The following KIAA1217 variants were observed in gnomAD, a reference collection of about 807,000 sequenced individuals.
KIAA1217 encodes sickle tail protein homolog.
A neutral mutation model predicts 163.9 loss-of-function variants in KIAA1217; 88 were observed. The ratio of observed to expected loss-of-function variants is 0.54; its 90% CI spans 0.45 to 0.64. The LOEUF (loss-of-function observed/expected upper bound fraction) is 0.64. KIAA1217 is among the 30% of genes least tolerant of loss of function. The pLI is 0.00. For synonymous variants in KIAA1217, 903 were observed against 923.1 expected (o/e 0.98, Z 0.39); for missense variants, 2,372 against 2,475.0 (o/e 0.96, Z 0.88).
intron 2 of KIAA1217, among the ~76,000 whole-genome samples, chr10:24,036,771 G>A (rs1408115844): frequency 6.6e-6 from 1 of 152,112 alleles, no homozygotes; most frequent in Non-Finnish European, 1.5e-5. Context: ...TTACCACGAG[G>A]ACCGCAACAA....
intron 3 of KIAA1217, among the ~76,000 whole-genome samples, chr10:24,404,566 C>CAAAAAAAAAAAAAAAAAAAAA (rs57209065): frequency 2.0e-5 from 1 of 51,182 alleles, no homozygotes; most frequent in Non-Finnish European, 3.7e-5. Flanking sequence ...GACTCTGTCT[C>CAAAAAAAAAAAAAAAAAAAAA]AAAAAAAAAA....
intron 1 of KIAA1217, among the ~76,000 whole-genome samples, chr10:23,703,720 T>TCTC (rs1188404574): frequency 6.6e-6 from 1 of 151,818 alleles, no homozygotes; most frequent in East Asian, 1.9e-4. Context: ...TCTTATTCTT[T>TCTC]CTCCTCCTCC....
Position 24,513,399 on chromosome 10 carries a change from T to A in KIAA1217, c.2142T>A (p.Tyr714Ter). 6.2e-7 allele frequency: 1 copy of A among 1,614,162 alleles called. No homozygotes were observed. Among genetic ancestry groups the A allele is most frequent in the Admixed American group, 1.7e-5 (1 of 60,026 alleles). Residue 714 changes from tyrosine (Y) to a stop codon, truncating the protein, a stop_gained, in exon 10 of 21, where the codon TAT becomes TAA. Coordinates refer to ENST00000376454, the MANE Select transcript of KIAA1217 (RefSeq NM_019590.5). LOFTEE classifies it high-confidence loss of function. ...TAGTGGAGCAAGAGAGACAAAAATATCTTCATGAGGAAGAGAAGATCGTCA... is the reference window on the plus strand; with the variant it reads ...TAGTGGAGCAAGAGAGACAAAAATAACTTCATGAGGAAGAGAAGATCGTCA... ...RVLVEQERQK[Y>*]LHEEEKIVKK...
At chr10:24,384,778 C>T (rs1457656816) in intron 3 of KIAA1217, among the ~76,000 whole-genome samples, 18 of 152,190 alleles carry the variant, frequency 1.2e-4, no homozygotes, top group African/African-American at 4.1e-4. Context: ...CCTCGTGATC[C>T]GCCTGCCTTG....
Position 24,264,743 on chromosome 10 carries a change from T to G in KIAA1217, c.354+44834T>G, listed in dbSNP as rs994938087. ...CTTAATTTAACCTGAACTTACTTGCTCTTGTGGTGGTCGGTCGGTCTTTCT... is the reference window on the plus strand; with the variant it reads ...CTTAATTTAACCTGAACTTACTTGCGCTTGTGGTGGTCGGTCGGTCTTTCT... On this transcript the variant is annotated intron_variant, in intron 2 of 20. Transcript: ENST00000376454. 2.6e-5 allele frequency among the ~76,000 whole-genome samples: 4 copies of G among 151,940 alleles called. No individual in the cohort carries two copies. The East Asian group carries it at 7.8e-4, about 29-fold the overall frequency.
rs56348020 is a variant in KIAA1217 at position 24,227,143 on chromosome 10, GATTATTATTATT to G, written c.354+7246_354+7257del. Among the ~76,000 whole-genome samples, 30 of 148,882 alleles carry G rather than the reference GATTATTATTATT, an allele frequency of 2.0e-4. 3 individuals carry two copies. Among genetic ancestry groups the G allele is most frequent in the South Asian group, 1.5e-3 (7 of 4,658 alleles). On this transcript the variant is annotated intron_variant, in intron 2 of 20. Coordinates refer to ENST00000376454, the MANE Select transcript of KIAA1217 (RefSeq NM_019590.5). Reference sequence around the variant, plus strand: ...ACAAAGAGTAAGAGAGATATAAAGGGATTATTATTATTATTATTATTATCATTATTTTGAGAC... The same window carrying G: ...ACAAAGAGTAAGAGAGATATAAAGGGATTATTATTATCATTATTTTGAGAC...
At chr10:24,339,968 A>G (rs1310293824) in intron 2 of KIAA1217, among the ~76,000 whole-genome samples, 1 of 152,184 alleles carries the variant, frequency 6.6e-6, no homozygotes, top group Non-Finnish European at 1.5e-5. Context: ...GTTAGTAAAT[A>G]CAGCGAATTC....
chr10:24,316,487 C>T (rs748395659), intron 2 of KIAA1217, among the ~76,000 whole-genome samples: 1 of 152,138 alleles, frequency 6.6e-6, no homozygotes, highest in African/African-American at 2.4e-5. Context: ...ATTCTGAATG[C>T]CCCTGAACCT....
In KIAA1217 at chr10:24,194,454, T is replaced by TTAGCCTCCTAAGTGGCAA. The variant is rs2066888922; in HGVS notation, c.-170-25172_-170-25171insTAGCCTCCTAAGTGGCAA. 2.0e-5 allele frequency among the ~76,000 whole-genome samples: 3 copies of TTAGCCTCCTAAGTGGCAA among 149,396 alleles called. No individual in the cohort carries two copies. The Admixed American group carries it at 2.0e-4, about 10-fold the overall frequency. On this transcript the variant is annotated intron_variant, in intron 2 of 18. Coordinates refer to the KIAA1217 transcript ENST00000376462. ...CTCCCACCTTAGCCTCCTAAGTCACTGGGACTACGGACACTTGCCACTCCA... is the reference window on the plus strand; with the variant it reads ...CTCCCACCTTAGCCTCCTAAGTCACTTAGCCTCCTAAGTGGCAAGGGACTACGGACACTTGCCACTCCA...
intron 2 of KIAA1217, among the ~76,000 whole-genome samples, chr10:24,345,137 C>T (rs759147148): frequency 1.3e-5 from 2 of 152,160 alleles, no homozygotes; most frequent in Non-Finnish European, 2.9e-5. Context: ...TAATTCAAGA[C>T]ACCAAGCATA....
At chr10:24,118,645 GAATTA>G (rs1211257730) in intron 2 of KIAA1217, among the ~76,000 whole-genome samples, 1 of 151,770 alleles carries the variant, frequency 6.6e-6, no homozygotes, top group African/African-American at 2.4e-5. Flanking sequence ...GTTACACTCT[GAATTA>G]GAGTCTAGCT....
chr10:23,758,501 T>C (rs951335847), intron 1 of KIAA1217, among the ~76,000 whole-genome samples: 1 of 152,158 alleles, frequency 6.6e-6, no homozygotes, highest in Non-Finnish European at 1.5e-5. Flanking sequence ...TCCAGCTTTG[T>C]TATTTTTTAG....
intron 2 of KIAA1217, among the ~76,000 whole-genome samples, chr10:24,271,479 G>A (rs1006096447): frequency 7.9e-5 from 12 of 152,122 alleles, no homozygotes; most frequent in East Asian, 5.8e-4. Flanking sequence ...AGGATGGTGC[G>A]GTGGCTCACA....
At chr10:24,201,812 C>T (rs909019662) in intron 2 of KIAA1217, among the ~76,000 whole-genome samples, 1 of 152,118 alleles carries the variant, frequency 6.6e-6, no homozygotes, top group Non-Finnish European at 1.5e-5. Context: ...TCTATAAACT[C>T]GAGGGTGAGG....
chr10:23,995,998 A>T (rs1589209295), intron 1 of KIAA1217, among the ~76,000 whole-genome samples: 1 of 152,134 alleles, frequency 6.6e-6, no homozygotes, highest in East Asian at 1.9e-4. Flanking sequence ...TACCGTGATG[A>T]ATGTCACAGA....
intron 1 of KIAA1217, among the ~76,000 whole-genome samples, chr10:24,001,475 A>C (rs1846741517): frequency 6.6e-6 from 1 of 152,266 alleles, no homozygotes; most frequent in South Asian, 2.1e-4. Context: ...TAAGAGATAC[A>C]TGAAAATATT....
At chr10:23,921,613 T>C (rs74885195) in intron 1 of KIAA1217, among the ~76,000 whole-genome samples, 3,163 of 152,254 alleles carry the variant, frequency 0.021, 60 homozygotes, top group Admixed American at 0.064. Context: ...AAATGTGTGA[T>C]ACTTTGAGCT....
At chr10:24,524,263 A>T in intron 12 of KIAA1217, 60 bp from the exon 13 acceptor site, 1 of 1,536,330 alleles carries the variant, frequency 6.5e-7, no homozygotes, top group Non-Finnish European at 8.9e-7. Flanking sequence ...ATAGCCTGCA[A>T]GTATACCACC....
chr10:24,266,623 A>G (rs989320200), intron 2 of KIAA1217, among the ~76,000 whole-genome samples: 1 of 152,094 alleles, frequency 6.6e-6, no homozygotes, highest in Non-Finnish European at 1.5e-5. Flanking sequence ...AAATGCACCA[A>G]TTAGTGCTCT....
Sources: allele counts gnomAD v4.1 joint callset (sites outside exome capture counted in the v4.1 genomes callset), GRCh38; gene constraint gnomAD v4.1.1; transcripts MANE v1.5; gene names NCBI Gene and HGNC (gene_info 2026-07-23, HGNC 2026-07-21).